Variants in DGKD observed in about 807,000 individuals in gnomAD.
DGKD encodes diacylglycerol kinase delta.
DGKD carries 68 observed loss-of-function variants against 154.4 expected under a neutral mutation model. That is an observed-to-expected ratio of 0.44 (90% CI 0.36 to 0.54). The LOEUF (loss-of-function observed/expected upper bound fraction) is 0.54, where lower values mean the gene tolerates loss of function less well. Among genes scored for constraint, DGKD ranks in the 20% least tolerant of loss-of-function variants. The probability of loss-of-function intolerance (pLI) is 0.00; values close to 1 mark genes in which losing one functional copy is unlikely to be tolerated. For synonymous variants in DGKD, 693 were observed against 638.0 expected (o/e 1.09, Z -1.30); for missense variants, 1,343 against 1,593.6 (o/e 0.84, Z 2.68).
chr2:233,467,166 C>T lies in DGKD; in HGVS notation c.3387C>T (p.Asn1129=). 1.2e-6 allele frequency: 2 copies of T among 1,614,190 alleles called. No individual in the cohort carries two copies. Among genetic ancestry groups the T allele is most frequent in the Non-Finnish European group, 1.7e-6 (2 of 1,180,012 alleles). The part of the protein sequence containing the change: ...LVTKFKKEKN[N]KNKEAHSSLG... Reference sequence around the variant, plus strand: ...CCAAGTTTAAAAAGGAGAAAAACAACAAGAACAAAGAAGCTCACAGTAGCC... The same window carrying T: ...CCAAGTTTAAAAAGGAGAAAAACAATAAGAACAAAGAAGCTCACAGTAGCC... The change falls in exon 28 of 30, where the codon AAC becomes AAT. Residue 1129 remains asparagine, a synonymous_variant. Transcript: ENST00000264057.
At chr2:233,454,583 A>C (rs545434984) in intron 18 of DGKD, 180 bp from the exon 19 acceptor site, 1 of 584,026 alleles carries the variant, frequency 1.7e-6, no homozygotes, top group South Asian at 2.0e-5. Context: ...ACTAAAAATA[A>C]TTGAATTGTA....
At chr2:233,460,370 C>G in intron 24 of DGKD, 25 bp downstream of exon 24, 5 of 1,612,016 alleles carry the variant, frequency 3.1e-6, no homozygotes, top group Non-Finnish European at 4.2e-6. Context: ...CTCTGCGTTG[C>G]GCATGAGCCT....
In DGKD at chr2:233,450,995, C is replaced by A; in HGVS notation, c.2112C>A (p.Pro704=). ...LSLGSSASLP[P]QPGSRDGLPA... The stretch of plus-strand genomic sequence containing the variant: ...TAGGCAGTTCTGCTTCCCTTCCGCC[C>A]CAGCCGGGAAGCCGGGACGGCCTGC... Residue 704 remains proline (P), a synonymous_variant, in exon 17 of 30, where the codon CCC becomes CCA. Transcript: ENST00000264057. 1 of 1,612,546 alleles carries A rather than the reference C, an allele frequency of 6.2e-7. No individual in the cohort carries two copies. Among genetic ancestry groups the A allele is most frequent in the Non-Finnish European group, 8.5e-7 (1 of 1,178,630 alleles).
rs1391217575 is a variant in DGKD, at chr2:233,437,454, G to A, written c.897G>A (p.Thr299=). The change falls in exon 8 of 30, where the codon ACG becomes ACA. Residue 299 remains threonine, a synonymous_variant. Transcript: ENST00000264057. ...GCAAAGTGTCAGTCATCCCACCCAC[G>A]GCTCTCAACAGCATCGACTCCGATG... The part of the protein sequence containing the change: ...GLCKVSVIPP[T]ALNSIDSDGF... 11 of 1,614,066 alleles carry A rather than the reference G, an allele frequency of 6.8e-6. No individual in the cohort carries two copies. Among genetic ancestry groups the A allele is most frequent in the South Asian group, 2.2e-5 (2 of 91,070 alleles).
intron 1 of DGKD, among the ~76,000 whole-genome samples, chr2:233,379,203 G>GAA (rs1702753980): frequency 6.6e-6 from 1 of 152,110 alleles, no homozygotes; most frequent in South Asian, 2.1e-4. Context: ...GTTCTGCCTT[G>GAA]GGGGAGTCTG....
At chr2:233,453,210 T>C (rs1449191847) in intron 18 of DGKD, among the ~76,000 whole-genome samples, 1 of 152,192 alleles carries the variant, frequency 6.6e-6, no homozygotes, top group Admixed American at 6.5e-5. Context: ...CTTTGCTGCC[T>C]TCCTGCTGTG....
intron 2 of DGKD, chr2:233,388,631 C>T (rs1005493633): frequency 1.3e-5 from 4 of 300,076 alleles, no homozygotes; most frequent in African/African-American, 8.6e-5. Flanking sequence ...CAGAGACAGC[C>T]GCGTTACAGC....
chr2:233,390,550 A>G (rs1463525767), intron 3 of DGKD, 67 bp downstream of exon 3: 5 of 1,205,732 alleles, frequency 4.1e-6, no homozygotes, highest in Non-Finnish European at 6.2e-6. Context: ...TGATCTGAAC[A>G]TGTGTCCAAG....
At chr2:233,399,484 T>A (rs1396404378) in intron 3 of DGKD, among the ~76,000 whole-genome samples, 1 of 152,076 alleles carries the variant, frequency 6.6e-6, no homozygotes, top group Non-Finnish European at 1.5e-5. Context: ...GGAACTGATG[T>A]GGGTTGCTTC....
At chr2:233,428,305 T>C (rs983661632) in intron 3 of DGKD, among the ~76,000 whole-genome samples, 2 of 152,088 alleles carry the variant, frequency 1.3e-5, no homozygotes, top group African/African-American at 4.8e-5. Flanking sequence ...CCCAGTTGTG[T>C]CCCCTCTGTG....
chr2:233,388,756 T>C (rs2125440011), intron 2 of DGKD: 1 of 145,294 alleles, frequency 6.9e-6, no homozygotes, highest in Non-Finnish European at 1.5e-5. Flanking sequence ...TTTTTTTTTT[T>C]TTTTTTTGAG....
chr2:233,464,325 G>C, intron 27 of DGKD, 42 bp downstream of exon 27: 2 of 1,606,346 alleles, frequency 1.2e-6, no homozygotes, highest in Non-Finnish European at 1.7e-6. Context: ...CCCGGACATG[G>C]TGGCTCTCGC....
In DGKD at chr2:233,436,459, G is replaced by A. The variant is rs376314607; in HGVS notation, c.819+18G>A. 2.2e-5 allele frequency: 35 copies of A among 1,607,202 alleles called. No individual in the cohort carries two copies. The highest frequency in any genetic ancestry group is 1.9e-4 in the South Asian group (17 of 90,860). On this transcript the variant is annotated intron_variant, in intron 7 of 29. Coordinates refer to ENST00000264057, the MANE Select transcript of DGKD (RefSeq NM_152879.3). ...AGGCCATGGTGAGTGTGGGCCCTGC[G>A]CCCGGGCTGGAGGGGAGGGCTTGCT... is the stretch of plus-strand genomic sequence containing the variant.
At chr2:233,406,229 C>T (rs184492818) in intron 3 of DGKD, among the ~76,000 whole-genome samples, 1 of 152,310 alleles carries the variant, frequency 6.6e-6, no homozygotes, top group African/African-American at 2.4e-5. Flanking sequence ...CTCAGATAAT[C>T]CAGGATGATC....
In DGKD at chr2:233,450,089, A is replaced by T. The variant is rs1033301946; in HGVS notation, c.1996A>T (p.Ser666Cys). 2 of 1,613,866 alleles carry T rather than the reference A, an allele frequency of 1.2e-6. No individual in the cohort carries two copies. The highest frequency in any genetic ancestry group is 3.3e-5 in the Admixed American group (2 of 60,004). The change falls in exon 16 of 30, where the codon AGC (serine) becomes TGC (cysteine). Residue 666 changes from serine to cysteine, a missense_variant. Around this residue, in one of 6 missense-constraint regions of DGKD, gnomAD observed 409 missense variants for 446.0 expected, o/e 0.92. Transcript: ENST00000264057. ...DHRVCPPLSH[S>C]ESFGVPKGRS... is the part of the protein sequence containing the mutation. ...CAGAGTGTGCCCACCACTGTCCCACAGCGAGAGCTTCGGGGTCCCCAAGGG... is the reference window on the plus strand; with the variant it reads ...CAGAGTGTGCCCACCACTGTCCCACTGCGAGAGCTTCGGGGTCCCCAAGGG...
At chr2:233,410,502 A>G (rs1021462411) in intron 3 of DGKD, among the ~76,000 whole-genome samples, 5 of 152,204 alleles carry the variant, frequency 3.3e-5, no homozygotes, top group African/African-American at 1.2e-4. Context: ...AATCACACCA[A>G]TGAAGAGATT....
intron 27 of DGKD, among the ~76,000 whole-genome samples, chr2:233,465,734 G>C (rs945568326): frequency 6.6e-6 from 1 of 152,098 alleles, no homozygotes; most frequent in African/African-American, 2.4e-5. Flanking sequence ...ATCGCTAACA[G>C]CATGAAAATA....
intron 3 of DGKD, among the ~76,000 whole-genome samples, chr2:233,411,672 G>C (rs138411699): frequency 6.6e-6 from 1 of 152,142 alleles, no homozygotes; most frequent in Non-Finnish European, 1.5e-5. Context: ...TTTCTTTTTG[G>C]TGAAATTCAA....
chr2:233,368,259 A>G (rs895017353), intron 1 of DGKD, among the ~76,000 whole-genome samples: 1 of 152,112 alleles, frequency 6.6e-6, no homozygotes, highest in African/African-American at 2.4e-5. Flanking sequence ...CTGTAATCTC[A>G]GCACTTTGGG....
Sources: gnomAD v4.1 joint callset for allele counts (sites outside exome capture counted in the v4.1 genomes callset) on GRCh38, gnomAD v4.1.1 for gene constraint, gnomAD v4.1.1 regional missense constraint, MANE v1.5 for transcripts, NCBI Gene and HGNC (gene_info 2026-07-23, HGNC 2026-07-21) for gene names.